PPP3CA: variants seen among roughly 807,000 people sequenced by gnomAD.
The protein encoded by PPP3CA is CAM-PRP catalytic subunit.
PPP3CA carries 14 observed loss-of-function variants against 66.5 expected under a neutral mutation model. The observed-to-expected ratio is 0.21, with a 90% confidence interval of 0.14 to 0.33. The LOEUF (loss-of-function observed/expected upper bound fraction) is 0.33. Ranked by LOEUF, PPP3CA falls within the 10% of genes least tolerant of loss-of-function variation. The pLI is 1.00. For missense variants in PPP3CA, 317 were observed against 639.5 expected, an observed-to-expected ratio of 0.50 and a Z score of 5.44; for synonymous variants, 232 against 226.2, an observed-to-expected ratio of 1.03 and a Z score of -0.23.
intron 2 of PPP3CA, among the ~76,000 whole-genome samples, chr4:101,154,853 G>A (rs1399351125): frequency 9.1e-6 from 1 of 110,436 alleles, no homozygotes; most frequent in Non-Finnish European, 1.6e-5. Context: ...GTCTCACTCT[G>A]TCACCCAAGC....
chr4:101,335,300 G>A (rs1230012181), intron 1 of PPP3CA, among the ~76,000 whole-genome samples: 2 of 151,702 alleles, frequency 1.3e-5, no homozygotes, highest in African/African-American at 4.8e-5. Flanking sequence ...TCAAAGATTA[G>A]GCACAAGTGA....
At chr4:101,343,573 T>C (rs140130827) in intron 1 of PPP3CA, among the ~76,000 whole-genome samples, 263 of 140,000 alleles carry the variant, frequency 1.9e-3, no homozygotes, top group Non-Finnish European at 3.0e-3. Flanking sequence ...ATTACCAAGA[T>C]GTTTTCTCTG....
intron 1 of PPP3CA, among the ~76,000 whole-genome samples, chr4:101,212,653 G>T (rs2110206325): frequency 6.6e-6 from 1 of 152,134 alleles, no homozygotes; most frequent in East Asian, 1.9e-4. Flanking sequence ...AAAAAAGACG[G>T]CCTAAAGGTG....
At chr4:101,087,625 C>T (rs1032730987) in intron 6 of PPP3CA, among the ~76,000 whole-genome samples, 8 of 152,162 alleles carry the variant, frequency 5.3e-5, no homozygotes, top group African/African-American at 1.9e-4. Flanking sequence ...GGATCTTCAA[C>T]CATGTTGTTA....
chr4:101,206,341 G>A (rs1037502559), intron 1 of PPP3CA, among the ~76,000 whole-genome samples: 5 of 152,084 alleles, frequency 3.3e-5, no homozygotes, highest in African/African-American at 7.2e-5. Flanking sequence ...TATCTTTAAA[G>A]TGAACTTGTC....
rs1217555693 is a variant in PPP3CA at position 101,249,424 on chromosome 4, T to C, written c.59-53308A>G. On this transcript the variant is annotated intron_variant, in intron 1 of 13. Coordinates refer to ENST00000394854, the MANE Select transcript of PPP3CA (RefSeq NM_000944.5). Reference sequence around the variant, plus strand: ...AGCATCCATTAAAAAATACAATAAATTACCTTGGAACAAGATTGCTAGAAA... The same window carrying C: ...AGCATCCATTAAAAAATACAATAAACTACCTTGGAACAAGATTGCTAGAAA... Among the ~76,000 whole-genome samples, 5 of 152,076 alleles carry C rather than the reference T, an allele frequency of 3.3e-5. No homozygotes were observed. The East Asian group carries it at 9.6e-4, about 29-fold the overall frequency.
chr4:101,243,096 C>T (rs1024174180), intron 1 of PPP3CA, among the ~76,000 whole-genome samples: 7 of 152,112 alleles, frequency 4.6e-5, no homozygotes, highest in African/African-American at 1.7e-4. Context: ...ACATGTAGGA[C>T]AAAACCATTT....
intron 1 of PPP3CA, among the ~76,000 whole-genome samples, chr4:101,299,627 A>C (rs1728311851): frequency 1.3e-5 from 2 of 152,198 alleles, no homozygotes; most frequent in Non-Finnish European, 1.5e-5. Context: ...TATAAGAAAT[A>C]AATATTACAT....
At chr4:101,050,775 G>A (rs1261068678) in intron 10 of PPP3CA, among the ~76,000 whole-genome samples, 1 of 152,158 alleles carries the variant, frequency 6.6e-6, no homozygotes, top group Admixed American at 6.5e-5. Context: ...CAGTCAGGGT[G>A]CTACCTGCTA....
intron 1 of PPP3CA, among the ~76,000 whole-genome samples, chr4:101,268,736 A>ATATACATAT (rs1727243939): frequency 6.6e-6 from 1 of 152,154 alleles, no homozygotes; most frequent in Non-Finnish European, 1.5e-5. Context: ...CATATATACA[A>ATATACATAT]GTAACATATC....
intron 1 of PPP3CA, among the ~76,000 whole-genome samples, chr4:101,296,780 T>C (rs533975751): frequency 1.3e-5 from 2 of 152,272 alleles, no homozygotes; most frequent in South Asian, 2.1e-4. Flanking sequence ...ATGATTATAA[T>C]TGATAAACTA....
intron 2 of PPP3CA, among the ~76,000 whole-genome samples, chr4:101,176,373 A>G (rs2110170770): frequency 6.6e-6 from 1 of 152,294 alleles, no homozygotes; most frequent in African/African-American, 2.4e-5. Flanking sequence ...CACCTTCTCC[A>G]TTGTTATTCG....
chr4:101,249,286 T>C (rs1726596954), intron 1 of PPP3CA, among the ~76,000 whole-genome samples: 1 of 152,164 alleles, frequency 6.6e-6, no homozygotes, highest in Non-Finnish European at 1.5e-5. Flanking sequence ...TTATCCACCT[T>C]AATATAGCAT....
At chr4:101,116,985 T>C (rs1401496567) in intron 2 of PPP3CA, among the ~76,000 whole-genome samples, 2 of 151,646 alleles carry the variant, frequency 1.3e-5, no homozygotes, top group African/African-American at 2.4e-5. Flanking sequence ...TATATATATA[T>C]GAAATTGCAA....
intron 1 of PPP3CA, among the ~76,000 whole-genome samples, chr4:101,227,929 C>T (rs1725835081): frequency 6.6e-6 from 1 of 151,672 alleles, no homozygotes; most frequent in Non-Finnish European, 1.5e-5. Context: ...GCATAGTATT[C>T]CATGGTGTTT....
chr4:101,280,819 C>CAAAA (rs5860668), intron 1 of PPP3CA, among the ~76,000 whole-genome samples: 6 of 84,594 alleles, frequency 7.1e-5, no homozygotes, highest in African/African-American at 1.9e-4. Flanking sequence ...GACTCAGTCT[C>CAAAA]AAAAAAAAAA....
intron 2 of PPP3CA, among the ~76,000 whole-genome samples, chr4:101,173,446 C>A (rs552251276): frequency 6.6e-6 from 1 of 151,958 alleles, no homozygotes; most frequent in South Asian, 2.1e-4. Flanking sequence ...GTCGTTTCTG[C>A]AATTATATCC....
rs772329370 is a variant in PPP3CA, at chr4:101,346,809, G to C, written c.-13C>G. On this transcript the variant is annotated 5_prime_UTR_variant, in exon 1 of 14. Transcript: ENST00000394854. ...TGGGCTCGGACATCTCCAGCTGCCG[G>C]AGGACAGCGACGCGCTGCTCGTCCG... 1 of 1,609,200 alleles carries C rather than the reference G, an allele frequency of 6.2e-7. No homozygotes were observed. Among genetic ancestry groups the C allele is most frequent in the Admixed American group, 1.7e-5 (1 of 59,590 alleles).
chr4:101,199,351 AC>A (rs199589592), intron 1 of PPP3CA, among the ~76,000 whole-genome samples: 5,216 of 152,274 alleles, frequency 0.034, 316 homozygotes, highest in African/African-American at 0.12. Flanking sequence ...GAGTCTTACA[AC>A]AAGTTGCTTT....
Sources: allele counts gnomAD v4.1 joint callset (sites outside exome capture counted in the v4.1 genomes callset), GRCh38; gene constraint gnomAD v4.1.1; transcripts MANE v1.5; gene names NCBI Gene and HGNC (gene_info 2026-07-23, HGNC 2026-07-21).